The following EPHA5 variants were observed in gnomAD, a reference collection of about 807,000 sequenced individuals.
The protein encoded by EPHA5 is ephrin type-A receptor 5.
Under a neutral mutation model 105.0 loss-of-function variants are expected in EPHA5, and 60 were observed. The observed-to-expected ratio is 0.57, with a 90% CI of 0.46 to 0.71. EPHA5 has a LOEUF of 0.71. EPHA5 is among the 30% of genes least tolerant of loss of function. EPHA5 has a pLI of 0.00. For missense variants in EPHA5, 1,218 were observed against 1,274.7 expected, an observed-to-expected ratio of 0.96 and a Z score of 0.68; for synonymous variants, 513 against 449.1, an observed-to-expected ratio of 1.14 and a Z score of -1.80.
chr4:65,539,904 T>G (rs1302896360), intron 3 of EPHA5, among the ~76,000 whole-genome samples: 1 of 151,538 alleles, frequency 6.6e-6, no homozygotes, highest in Non-Finnish European at 1.5e-5. Context: ...CCTATATTAT[T>G]ATTATATTAT....
chr4:65,510,870 C>T (rs1188265404), intron 3 of EPHA5, among the ~76,000 whole-genome samples: 1 of 152,136 alleles, frequency 6.6e-6, no homozygotes, highest in Non-Finnish European at 1.5e-5. Flanking sequence ...CTGTATCTCC[C>T]AACTTGGTGG....
At position 65,401,337 on chromosome 4, in the gene EPHA5, T is replaced by G. The variant is rs77304706; in HGVS notation, c.1793+3037A>C. On this transcript the variant is annotated intron_variant, in intron 8 of 16. Transcript: ENST00000613740. Reference sequence around the variant, plus strand: ...TGGGTCCAAATAAAAATTACAAAGTTTATTGCATTAAGTGAGATAGAAAAA... The same window carrying G: ...TGGGTCCAAATAAAAATTACAAAGTGTATTGCATTAAGTGAGATAGAAAAA... Among the ~76,000 whole-genome samples the G allele has an allele frequency of 4.3e-3, 651 of 152,128 alleles. 6 individuals carry two copies. Among genetic ancestry groups the G allele is most frequent in the Non-Finnish European group, 5.9e-3 (402 of 67,972 alleles).
intron 3 of EPHA5, among the ~76,000 whole-genome samples, chr4:65,579,108 T>G (rs1466460428): frequency 6.6e-6 from 1 of 151,816 alleles, no homozygotes; most frequent in South Asian, 2.1e-4. Flanking sequence ...GGAAGGGTAC[T>G]TTCTTTATAT....
At chr4:65,353,931 G>C (rs1365793853) in intron 11 of EPHA5, among the ~76,000 whole-genome samples, 2 of 151,844 alleles carry the variant, frequency 1.3e-5, no homozygotes, top group East Asian at 1.9e-4. Flanking sequence ...TGATGAAAAT[G>C]GTTCTCCTTC....
intron 8 of EPHA5, among the ~76,000 whole-genome samples, chr4:65,372,766 G>A (rs6820743): frequency 0.54 from 82,321 of 151,524 alleles, 23,002 homozygotes; most frequent in East Asian, 0.78. Flanking sequence ...TATCTTACTT[G>A]ATGTTTTATA....
intron 7 of EPHA5, among the ~76,000 whole-genome samples, chr4:65,409,371 A>AAATAAATAAAT (rs1182159183): frequency 1.3e-5 from 2 of 150,232 alleles, no homozygotes; most frequent in East Asian, 1.9e-4. Flanking sequence ...ATAAATAAAT[A>AAATAAATAAAT]AAAGAGCTTT....
chr4:65,493,644 C>T (rs1017553528), intron 4 of EPHA5, among the ~76,000 whole-genome samples: 3 of 151,892 alleles, frequency 2.0e-5, no homozygotes, highest in Non-Finnish European at 4.4e-5. Context: ...AATTAGTGCT[C>T]ATTTGACAAC....
chr4:65,372,798 T>C (rs1158870536), intron 8 of EPHA5, among the ~76,000 whole-genome samples: 3 of 151,818 alleles, frequency 2.0e-5, no homozygotes, highest in African/African-American at 7.2e-5. Context: ...ATCTTCATAT[T>C]CTATAAAACA....
At chr4:65,365,689 A>ATATATATATATATATT (rs765636669) in intron 10 of EPHA5, among the ~76,000 whole-genome samples, 2,182 of 93,522 alleles carry the variant, frequency 0.023, 322 homozygotes, top group East Asian at 0.036. Context: ...ATATATATAT[A>ATATATATATATATATT]GTGAAACATT....
intron 1 of EPHA5, among the ~76,000 whole-genome samples, chr4:65,660,317 C>T (rs1219618770): frequency 6.6e-6 from 1 of 152,058 alleles, no homozygotes; most frequent in Admixed American, 6.6e-5. Context: ...ATGGGGAAAA[C>T]CAACAGAAAA....
Position 65,336,142 on chromosome 4 carries a change from A to G in EPHA5, c.2596-17T>C. The G allele has an allele frequency of 6.3e-7, 1 of 1,577,338 alleles. No individual in the cohort carries two copies. The highest frequency in any genetic ancestry group is 8.6e-7 in the Non-Finnish European group (1 of 1,160,748). On this transcript the variant is annotated splice_polypyrimidine_tract_variant and intron_variant, in intron 14 of 16. Coordinates refer to ENST00000613740, the MANE Select transcript of EPHA5 (RefSeq NM_001281766.3). ...TTTAATCACCTGTATAAAGCAAAAC[A>G]GAACCAGCACCCCAACACCACAAAT...
At chr4:65,482,465 T>C (rs1730469812) in intron 5 of EPHA5, among the ~76,000 whole-genome samples, 1 of 152,152 alleles carries the variant, frequency 6.6e-6, no homozygotes, top group African/African-American at 2.4e-5. Context: ...ACATTGAAGC[T>C]ACATTCAAGT....
At chr4:65,532,960 G>A (rs1735959658) in intron 3 of EPHA5, among the ~76,000 whole-genome samples, 1 of 151,926 alleles carries the variant, frequency 6.6e-6, no homozygotes, top group African/African-American at 2.4e-5. Context: ...TTGGTCAGTA[G>A]CACAGTCATG....
chr4:65,405,166 G>T (rs1722241536), intron 7 of EPHA5, among the ~76,000 whole-genome samples: 1 of 152,018 alleles, frequency 6.6e-6, no homozygotes. Flanking sequence ...AAACATTTTA[G>T]ATTTTAGCAT....
At chr4:65,539,632 T>C (rs1736628124) in intron 3 of EPHA5, among the ~76,000 whole-genome samples, 1 of 151,554 alleles carries the variant, frequency 6.6e-6, no homozygotes, top group Non-Finnish European at 1.5e-5. Context: ...CAAAGAAACT[T>C]TCAAATTGTA....
At chr4:65,550,606 C>A (rs1737802423) in intron 3 of EPHA5, among the ~76,000 whole-genome samples, 2 of 152,088 alleles carry the variant, frequency 1.3e-5, no homozygotes, top group Admixed American at 1.3e-4. Context: ...GAGGCCCAGG[C>A]AGGTGGATCA....
At chr4:65,519,820 G>A (rs547864368) in intron 3 of EPHA5, among the ~76,000 whole-genome samples, 4 of 152,126 alleles carry the variant, frequency 2.6e-5, no homozygotes, top group Non-Finnish European at 1.5e-5. Context: ...CAACTTACAA[G>A]TGATGTGAAG....
chr4:65,364,086 A>C (rs181100129), intron 11 of EPHA5, among the ~76,000 whole-genome samples: 2 of 151,734 alleles, frequency 1.3e-5, no homozygotes, highest in East Asian at 3.9e-4. Context: ...GGTTGCTATC[A>C]AGTAAAGAAT....
At chr4:65,362,183 T>C (rs1385832333) in intron 11 of EPHA5, among the ~76,000 whole-genome samples, 2 of 151,446 alleles carry the variant, frequency 1.3e-5, no homozygotes, top group Non-Finnish European at 3.0e-5. Flanking sequence ...TTCTGGCATG[T>C]GATAGTGAAA....
Sources: allele counts gnomAD v4.1 joint callset (sites outside exome capture counted in the v4.1 genomes callset), GRCh38; gene constraint gnomAD v4.1.1; transcripts MANE v1.5; gene names NCBI Gene and HGNC (gene_info 2026-07-23, HGNC 2026-07-21).